HDAC4: variants seen among roughly 807,000 people sequenced by gnomAD.
HDAC4 encodes histone deacetylase 4, also known as histone deacetylase A.
In HDAC4, 16 loss-of-function variants were observed where a neutral mutation model predicts 135.1. The ratio of observed to expected loss-of-function variants is 0.12; its 90% CI spans 0.08 to 0.18. The LOEUF (loss-of-function observed/expected upper bound fraction) is 0.18. Among genes scored for constraint, HDAC4 ranks in the 10% least tolerant of loss-of-function variants. HDAC4 has a pLI of 1.00. For synonymous variants in HDAC4, 685 were observed against 653.4 expected, an observed-to-expected ratio of 1.05 and a Z score of -0.74; for missense variants, 1,143 against 1,511.8, an observed-to-expected ratio of 0.76 and a Z score of 4.05.
intron 4 of HDAC4, among the ~76,000 whole-genome samples, chr2:239,180,826 C>T (rs1287708871): frequency 6.6e-6 from 1 of 152,224 alleles, no homozygotes; most frequent in Non-Finnish European, 1.5e-5. Context: ...GCAGTGACCC[C>T]AGCAGATAGC....
rs1182577179 is a variant in HDAC4 at position 239,400,271 on chromosome 2, C to T, written c.-220+707G>A. ...CGGGGCCGCGGACCCCCGGCAGGGA[C>T]GTTTTTCTGCAAACTCACAGCATTT... On this transcript the variant is annotated intron_variant, in intron 1 of 26. Transcript: ENST00000543185. The surrounding 1 kb of genome is among the most constrained non-coding windows in gnomAD (Gnocchi z 4.7). 1 of 151,190 alleles carries T rather than the reference C, an allele frequency of 6.6e-6. No individual in the cohort carries two copies. The highest frequency in any genetic ancestry group is 2.4e-5 in the African/African-American group (1 of 41,302). 9.4% of individuals were successfully genotyped at this position (151,190 alleles called of 1,614,324 possible). A position where few individuals can be genotyped will look rare whatever the true frequency, so the allele number is the denominator to read the frequency against.
At chr2:239,209,346 A>T (rs1457563111) in intron 3 of HDAC4, among the ~76,000 whole-genome samples, 1 of 152,232 alleles carries the variant, frequency 6.6e-6, no homozygotes, top group Admixed American at 6.5e-5. Flanking sequence ...ACTACATGGA[A>T]GAAGAACTGA....
At chr2:239,136,322 T>A (rs144940296) in intron 9 of HDAC4, among the ~76,000 whole-genome samples, 11 of 152,370 alleles carry the variant, frequency 7.2e-5, no homozygotes, top group African/African-American at 1.4e-4. Flanking sequence ...CTTAGTTCAC[T>A]TAACATGAGG....
chr2:239,204,108 A>T (rs891294816), intron 3 of HDAC4, among the ~76,000 whole-genome samples: 3 of 152,152 alleles, frequency 2.0e-5, no homozygotes, highest in Non-Finnish European at 4.4e-5. Context: ...GGTAAACCTC[A>T]TATTCCTGTG....
At chr2:239,071,784 G>A (rs572449710) in intron 22 of HDAC4, among the ~76,000 whole-genome samples, 2 of 152,258 alleles carry the variant, frequency 1.3e-5, no homozygotes, top group East Asian at 1.9e-4. Flanking sequence ...TCTGGACGCT[G>A]TGGTTTTGGT....
intron 1 of HDAC4, among the ~76,000 whole-genome samples, chr2:239,388,436 G>A (rs1343131646): frequency 3.9e-5 from 6 of 152,192 alleles, no homozygotes; most frequent in Admixed American, 3.3e-4. Flanking sequence ...CGTTTGCATC[G>A]GCCTTCTCAG....
At chr2:239,326,152 G>A (rs2125792068) in intron 2 of HDAC4, among the ~76,000 whole-genome samples, 1 of 152,188 alleles carries the variant, frequency 6.6e-6, no homozygotes, top group Middle Eastern at 3.4e-3. Flanking sequence ...TAAATAAGAT[G>A]TGATGTATGC....
At chr2:239,177,392 T>G (rs1169090686) in intron 4 of HDAC4, among the ~76,000 whole-genome samples, 1 of 152,112 alleles carries the variant, frequency 6.6e-6, no homozygotes, top group East Asian at 1.9e-4. Flanking sequence ...CCCAAAAATA[T>G]GGAGGGCTGA....
intron 3 of HDAC4, among the ~76,000 whole-genome samples, chr2:239,217,696 T>A (rs994069130): frequency 1.3e-5 from 2 of 151,884 alleles, no homozygotes; most frequent in Non-Finnish European, 2.9e-5. Flanking sequence ...GCCTTCCAAA[T>A]CACCAGAAGG....
intron 2 of HDAC4, among the ~76,000 whole-genome samples, chr2:239,276,322 CAG>C (rs891814512): frequency 2.0e-5 from 3 of 152,232 alleles, no homozygotes; most frequent in African/African-American, 7.2e-5. Context: ...GTCCCGCCAA[CAG>C]AGAGGCCTGT....
intron 3 of HDAC4, among the ~76,000 whole-genome samples, chr2:239,199,740 T>TC (rs1465288947): frequency 6.6e-6 from 1 of 151,082 alleles, no homozygotes; most frequent in Non-Finnish European, 1.5e-5. Context: ...ACATTTCTTT[T>TC]TTTTTTTTTT....
At chr2:239,206,427 G>T (rs1375981746) in intron 3 of HDAC4, among the ~76,000 whole-genome samples, 1 of 151,718 alleles carries the variant, frequency 6.6e-6, no homozygotes, top group Non-Finnish European at 1.5e-5. Context: ...CATGGGTATG[G>T]CTGGTTGCCT....
intron 3 of HDAC4, among the ~76,000 whole-genome samples, chr2:239,197,657 G>T (rs1036650379): frequency 2.4e-4 from 36 of 152,242 alleles, no homozygotes; most frequent in African/African-American, 7.0e-4. Flanking sequence ...TTCCTTAAAT[G>T]TATATTCTAA....
chr2:239,333,756 T>G (rs773796329), intron 2 of HDAC4, among the ~76,000 whole-genome samples: 2 of 152,244 alleles, frequency 1.3e-5, no homozygotes, highest in Non-Finnish European at 2.9e-5. Flanking sequence ...TGACTCCATC[T>G]AATATTTTAA....
intron 8 of HDAC4, among the ~76,000 whole-genome samples, chr2:239,143,606 A>G (rs1050462110): frequency 6.6e-6 from 1 of 152,156 alleles, no homozygotes; most frequent in African/African-American, 2.4e-5. Flanking sequence ...GTGGTTAGGA[A>G]CTCCTCAAGT....
chr2:239,089,966 G>C, intron 18 of HDAC4, 43 bp downstream of exon 18: 4 of 1,406,622 alleles, frequency 2.8e-6, no homozygotes, highest in Non-Finnish European at 4.0e-6. Flanking sequence ...GGAATCTATG[G>C]CAGGCCTCCT....
At chr2:239,158,081 T>C (rs2042540730) in intron 6 of HDAC4, among the ~76,000 whole-genome samples, 1 of 152,258 alleles carries the variant, frequency 6.6e-6, no homozygotes, top group Non-Finnish European at 1.5e-5. Context: ...TGTCTGCACC[T>C]GTGCAGGGGC....
intron 2 of HDAC4, among the ~76,000 whole-genome samples, chr2:239,267,934 G>A (rs1463595576): frequency 2.0e-5 from 3 of 152,230 alleles, no homozygotes; most frequent in Non-Finnish European, 4.4e-5. Flanking sequence ...CTAAGAATGA[G>A]TGCACTTTCC....
chr2:239,259,190 G>A (rs1575546124), intron 2 of HDAC4, among the ~76,000 whole-genome samples: 1 of 152,350 alleles, frequency 6.6e-6, no homozygotes, highest in Middle Eastern at 3.4e-3. Flanking sequence ...GCTCACGCCT[G>A]TAATCCCCAA....
Sources: allele counts gnomAD v4.1 joint callset (sites outside exome capture counted in the v4.1 genomes callset), GRCh38; gene constraint gnomAD v4.1.1; non-coding constraint Gnocchi (gnomAD v3.1); transcripts MANE v1.5; gene names NCBI Gene and HGNC (gene_info 2026-07-23, HGNC 2026-07-21).